The following INTS9 variants were observed in gnomAD, a reference collection of about 807,000 sequenced individuals.
INTS9 encodes protein related to CPSF subunits of 74 kDa.
INTS9 carries 55 observed loss-of-function variants against 79.7 expected under a neutral mutation model. That is an observed-to-expected ratio of 0.69 (90% CI 0.56 to 0.86). The LOEUF is 0.86. Ranked by LOEUF, INTS9 falls within the 40% of genes least tolerant of loss-of-function variation. The probability of loss-of-function intolerance (pLI) is 0.00; values close to 1 mark genes in which losing one functional copy is unlikely to be tolerated. For missense variants in INTS9, 721 were observed against 831.5 expected, an observed-to-expected ratio of 0.87 and a Z score of 1.64; for synonymous variants, 319 against 325.2, an observed-to-expected ratio of 0.98 and a Z score of 0.20.
Position 28,777,832 on chromosome 8 carries a change from CA to C in INTS9, c.1391del (p.Val464GlyfsTer26). Reference sequence around the variant, plus strand: ...CACAAGCAGTGTCCTTCATTACCTGCACTTCTTTAAGCAGCTTTGACACCTG... The same window carrying C: ...CACAAGCAGTGTCCTTCATTACCTGCCTTCTTTAAGCAGCTTTGACACCTG... ...FIQVSKLLKE[V>X]QPLHVVCPEQ... On this transcript the variant is annotated frameshift_variant, in exon 13 of 17. Transcript: ENST00000521022. LOFTEE classifies it high-confidence loss of function. 1 of 1,604,040 alleles carries C rather than the reference CA, an allele frequency of 6.2e-7. No homozygotes were observed. The highest frequency in any genetic ancestry group is 8.5e-7 in the Non-Finnish European group (1 of 1,175,616).
intron 2 of INTS9, among the ~76,000 whole-genome samples, chr8:28,850,826 T>C (rs1320151912): frequency 6.6e-6 from 1 of 152,220 alleles, no homozygotes; most frequent in Admixed American, 6.5e-5. Context: ...TTTCCAATTC[T>C]GGAGAATGAA....
chr8:28,837,422 A>C (rs1490591740), intron 5 of INTS9, among the ~76,000 whole-genome samples: 1 of 152,212 alleles, frequency 6.6e-6, no homozygotes, highest in East Asian at 1.9e-4. Context: ...ATTAATTTAT[A>C]AGAAAAAAGA....
At chr8:28,823,995 T>C (rs1806003191) in intron 6 of INTS9, among the ~76,000 whole-genome samples, 1 of 152,244 alleles carries the variant, frequency 6.6e-6, no homozygotes, top group Non-Finnish European at 1.5e-5. Flanking sequence ...GATTTTCTTA[T>C]TCACTTTCTT....
chr8:28,868,928 G>A (rs527417520), intron 1 of INTS9, among the ~76,000 whole-genome samples: 10 of 152,086 alleles, frequency 6.6e-5, no homozygotes, highest in South Asian at 4.1e-4. Flanking sequence ...GCGAAACCCC[G>A]TCTCTACTAA....
intron 11 of INTS9, among the ~76,000 whole-genome samples, chr8:28,782,037 T>C (rs1194488876): frequency 1.3e-5 from 2 of 152,176 alleles, no homozygotes; most frequent in African/African-American, 4.8e-5. Flanking sequence ...GGGCATATGA[T>C]TGCCGTGAAC....
At chr8:28,794,028 A>G in intron 9 of INTS9, 41 bp from the exon 10 acceptor site, 1 of 1,447,258 alleles carries the variant, frequency 6.9e-7, no homozygotes, top group Non-Finnish European at 9.3e-7. Flanking sequence ...CATCATATCA[A>G]AAGGGCAGTG....
chr8:28,833,552 G>A (rs1222198290), intron 6 of INTS9, among the ~76,000 whole-genome samples: 1 of 151,420 alleles, frequency 6.6e-6, no homozygotes, highest in Non-Finnish European at 1.5e-5. Context: ...CCCTGGAGGT[G>A]GAGGTTGCAG....
intron 1 of INTS9, among the ~76,000 whole-genome samples, chr8:28,881,756 G>T (rs1809836620): frequency 2.8e-5 from 4 of 144,382 alleles, no homozygotes; most frequent in Non-Finnish European, 3.1e-5. Context: ...GGTGAGGGGC[G>T]CCTCTGCCCG....
intron 8 of INTS9, 127 bp downstream of exon 8, chr8:28,812,200 G>T: frequency 3.2e-6 from 3 of 928,238 alleles, no homozygotes; most frequent in Non-Finnish European, 5.0e-6. Flanking sequence ...AGTCTACCTT[G>T]GCTAGAGAGT....
intron 11 of INTS9, among the ~76,000 whole-genome samples, chr8:28,783,212 C>T (rs1197071785): frequency 6.6e-6 from 1 of 150,538 alleles, no homozygotes; most frequent in East Asian, 2.0e-4. Context: ...TTCAAGTGTA[C>T]GTGTTGAACC....
At chr8:28,822,352 T>C (rs774314533) in intron 6 of INTS9, among the ~76,000 whole-genome samples, 8 of 152,206 alleles carry the variant, frequency 5.3e-5, no homozygotes, top group Non-Finnish European at 1.2e-4. Flanking sequence ...AAATTGGGAA[T>C]TGGCAAACCT....
At chr8:28,865,332 C>T (rs1808680143) in intron 1 of INTS9, among the ~76,000 whole-genome samples, 1 of 151,198 alleles carries the variant, frequency 6.6e-6, no homozygotes, top group East Asian at 1.9e-4. Context: ...ATAAATAAAC[C>T]TAGAAGCCTA....
intron 1 of INTS9, among the ~76,000 whole-genome samples, chr8:28,874,039 T>G (rs568863931): frequency 5.0e-4 from 76 of 152,326 alleles, no homozygotes; most frequent in African/African-American, 1.8e-3. Flanking sequence ...AAAAATATCT[T>G]TTCTCCTATG....
At chr8:28,816,402 G>A (rs1445005279) in intron 6 of INTS9, among the ~76,000 whole-genome samples, 2 of 149,056 alleles carry the variant, frequency 1.3e-5, no homozygotes, top group Admixed American at 1.4e-4. Flanking sequence ...AATATGCGGT[G>A]TTTGGTTTTT....
In INTS9 at chr8:28,794,607, C is replaced by A. The variant is rs148477601; in HGVS notation, c.857-620G>T. On this transcript the variant is annotated intron_variant, in intron 9 of 16. Coordinates refer to ENST00000521022, the MANE Select transcript of INTS9 (RefSeq NM_018250.4). ...TCTCAAATCCTACCTTTGTCCCAAC[C>A]CACAGGACCACAGGAAAGCCACTAC... Among the ~76,000 whole-genome samples, 867 of 152,280 alleles carry A rather than the reference C, an allele frequency of 5.7e-3. 5 individuals are homozygous for A. The highest frequency in any genetic ancestry group is 0.017 in the Middle Eastern group (5 of 294).
chr8:28,780,053 GTT>G (rs66631307), intron 12 of INTS9, among the ~76,000 whole-genome samples: 1 of 137,124 alleles, frequency 7.3e-6, no homozygotes, highest in Admixed American at 7.3e-5. Flanking sequence ...TCAAATCAAG[GTT>G]TTTTTTTTTT....
intron 4 of INTS9, among the ~76,000 whole-genome samples, chr8:28,843,924 G>A (rs1251314643): frequency 2.0e-5 from 3 of 152,058 alleles, no homozygotes; most frequent in Non-Finnish European, 4.4e-5. Context: ...CACTTCGTAT[G>A]GGTCCCATGG....
chr8:28,825,501 A>T (rs1020253089), intron 6 of INTS9, among the ~76,000 whole-genome samples: 1 of 152,184 alleles, frequency 6.6e-6, no homozygotes, highest in Non-Finnish European at 1.5e-5. Flanking sequence ...TACTGCCATT[A>T]CCCAGAACAC....
intron 4 of INTS9, among the ~76,000 whole-genome samples, chr8:28,838,296 G>A (rs946373633): frequency 1.3e-5 from 2 of 151,730 alleles, no homozygotes; most frequent in East Asian, 1.9e-4. Context: ...TGGTTATAGA[G>A]CCCGCCCTAA....
Sources: gnomAD v4.1 joint callset for allele counts (sites outside exome capture counted in the v4.1 genomes callset) on GRCh38, gnomAD v4.1.1 for gene constraint, MANE v1.5 for transcripts, NCBI Gene and HGNC (gene_info 2026-07-23, HGNC 2026-07-21) for gene names.